SEMA6D: variants seen among roughly 807,000 people sequenced by gnomAD.
SEMA6D encodes the protein semaphorin-6D.
Under a neutral mutation model 106.6 loss-of-function variants are expected in SEMA6D, and 35 were observed. The ratio of observed to expected loss-of-function variants is 0.33; its 90% CI spans 0.25 to 0.44. The LOEUF is 0.44. Ranked by LOEUF, SEMA6D falls within the 20% of genes least tolerant of loss-of-function variation. SEMA6D has a pLI of 1.00. For synonymous variants in SEMA6D, 499 were observed against 487.7 expected, an observed-to-expected ratio of 1.02 and a Z score of -0.31; for missense variants, 1,185 against 1,345.9, an observed-to-expected ratio of 0.88 and a Z score of 1.87.
Position 47,583,890 on chromosome 15 carries a change from G to T in SEMA6D, c.-86-16975G>T, listed in dbSNP as rs1561041. Among the ~76,000 whole-genome samples, 932 of 152,224 alleles carry T rather than the reference G, an allele frequency of 6.1e-3. 9 individuals carry two copies. Among genetic ancestry groups the T allele is most frequent in the African/African-American group, 0.021 (883 of 41,520 alleles). On this transcript the variant is annotated intron_variant, in intron 3 of 19. Coordinates refer to the SEMA6D transcript ENST00000558014. ...GAGTCGGGTTCTTCTTCACAGCTTT[G>T]TCTGCATCCTGATCTACTTTAGACT...
At chr15:47,690,781 AC>A (rs2078569435) in intron 4 of SEMA6D, among the ~76,000 whole-genome samples, 1 of 142,418 alleles carries the variant, frequency 7.0e-6, no homozygotes, top group Non-Finnish European at 1.6e-5. Context: ...TTTTGTAGAA[AC>A]CGGGCTATTT....
chr15:47,759,980 A>G (rs757101007), intron 2 of SEMA6D, 73 bp downstream of exon 2: 22 of 1,141,056 alleles, frequency 1.9e-5, no homozygotes, highest in African/African-American at 3.1e-5. Flanking sequence ...AAGCATGTTC[A>G]TTTTCAGAAA....
chr15:47,768,614 T>C lies in SEMA6D; in HGVS notation c.1799T>C (p.Met600Thr), dbSNP rs2082470647. Reference sequence around the variant, plus strand: ...GTATCTTCATCTTCTGTTACCACAATGGCAAGTATCCCAGAAATCACACCT... The same window carrying C: ...GTATCTTCATCTTCTGTTACCACAACGGCAAGTATCCCAGAAATCACACCT... ...MEVSSSSVTT[M>T]ASIPEITPKV... The change falls in exon 18 of 19, where the codon ATG becomes ACG. Residue 600 changes from methionine (M) to threonine (T), a missense_variant. Transcript: ENST00000536845. The C allele has an allele frequency of 6.2e-7, 1 of 1,613,140 alleles. No homozygotes were observed. Among genetic ancestry groups the C allele is most frequent in the Non-Finnish European group, 8.5e-7 (1 of 1,179,348 alleles).
chr15:47,463,365 C>A (rs953541411), intron 2 of SEMA6D, among the ~76,000 whole-genome samples: 1 of 152,178 alleles, frequency 6.6e-6, no homozygotes, highest in Non-Finnish European at 1.5e-5. Context: ...CTGATCATCT[C>A]TGCCCATGAC....
intron 4 of SEMA6D, among the ~76,000 whole-genome samples, chr15:47,708,855 G>T (rs1333602922): frequency 6.6e-6 from 1 of 152,162 alleles, no homozygotes; most frequent in Non-Finnish European, 1.5e-5. Context: ...CTATGTAACT[G>T]GGTTATCTTT....
chr15:47,531,112 A>C (rs2044946103), intron 3 of SEMA6D, among the ~76,000 whole-genome samples: 1 of 152,232 alleles, frequency 6.6e-6, no homozygotes, highest in Non-Finnish European at 1.5e-5. Context: ...AACCAAAACA[A>C]AATCTAAGTG....
rs1460238671 is a variant in SEMA6D at position 47,344,922 on chromosome 15, G to A, written c.-238-67471G>A. On this transcript the variant is annotated intron_variant, in intron 1 of 19. Transcript: ENST00000558014. ...TTTGTATACTAGCAATGACTATTTG[G>A]AAATTGATATAAAAAGTTAAAGCCA... Among the ~76,000 whole-genome samples, 4 of 152,146 alleles carry A rather than the reference G, an allele frequency of 2.6e-5. No individual in the cohort carries two copies. In the East Asian group the frequency reaches 7.7e-4, roughly 29 times the overall value.
intron 1 of SEMA6D, among the ~76,000 whole-genome samples, chr15:47,258,047 T>A (rs1183784329): frequency 4.6e-5 from 7 of 152,236 alleles, no homozygotes; most frequent in Admixed American, 3.9e-4. Context: ...TGGATATTAA[T>A]ACAGCCACTT....
At chr15:47,225,899 G>T (rs2031627187) in intron 1 of SEMA6D, among the ~76,000 whole-genome samples, 2 of 152,012 alleles carry the variant, frequency 1.3e-5, no homozygotes, top group South Asian at 4.1e-4. Flanking sequence ...GTACTTTTCA[G>T]AATATACACA....
chr15:47,507,137 C>T (rs1433019068), intron 3 of SEMA6D, among the ~76,000 whole-genome samples: 1 of 152,154 alleles, frequency 6.6e-6, no homozygotes, highest in Non-Finnish European at 1.5e-5. Flanking sequence ...CAGCCTCTAC[C>T]CTGTCTTCCT....
Position 47,772,812 on chromosome 15 carries a change from CA to C in SEMA6D, c.*1029del, listed in dbSNP as rs201548247. ...TTGATTGTGTTCGTTTCCCCCCCCC[CA>C]ATAGTAAAATTTCTCCTCCTTTAAC... On this transcript the variant is annotated 3_prime_UTR_variant, in exon 19 of 19. Transcript: ENST00000536845. The C allele has an allele frequency of 7.6e-3, 897 of 117,710 alleles. 12 individuals carry two copies. The highest frequency in any genetic ancestry group is 0.02 in the African/African-American group (628 of 31,864). 7.3% of individuals were successfully genotyped at this position (117,710 alleles called of 1,614,324 possible). A position where few individuals can be genotyped will look rare whatever the true frequency, so the allele number is the denominator to read the frequency against.
At chr15:47,455,793 A>G (rs943072005) in intron 2 of SEMA6D, among the ~76,000 whole-genome samples, 1 of 151,988 alleles carries the variant, frequency 6.6e-6, no homozygotes, top group African/African-American at 2.4e-5. Flanking sequence ...ATGAAGATTA[A>G]GTTTCAGGAA....
chr15:47,594,652 T>C (rs1271018215), intron 3 of SEMA6D, among the ~76,000 whole-genome samples: 1 of 152,186 alleles, frequency 6.6e-6, no homozygotes, highest in Non-Finnish European at 1.5e-5. Context: ...AGTACCTGCT[T>C]CCAATAAGCT....
In SEMA6D at chr15:47,665,448, A is replaced by G. The variant is rs539748559; in HGVS notation, c.-55+64552A>G. 2.8e-4 allele frequency among the ~76,000 whole-genome samples: 43 copies of G among 152,280 alleles called. No homozygotes were observed. In the East Asian group the frequency reaches 7.5e-3, roughly 27 times the overall value. ...AAGCCAGAACAGCAACTAATCAAAT[A>G]ATAAGGTCATGGTTAGAGAAAGGGC... On this transcript the variant is annotated intron_variant, in intron 4 of 19. Coordinates refer to the SEMA6D transcript ENST00000558014.
chr15:47,708,040 T>G (rs1285312820), intron 4 of SEMA6D, among the ~76,000 whole-genome samples: 1 of 152,154 alleles, frequency 6.6e-6, no homozygotes, highest in Non-Finnish European at 1.5e-5. Context: ...CTACCTCCAT[T>G]AAAGTCATCT....
At chr15:47,404,784 A>G (rs1458721774) in intron 1 of SEMA6D, among the ~76,000 whole-genome samples, 2 of 152,196 alleles carry the variant, frequency 1.3e-5, no homozygotes, top group African/African-American at 4.8e-5. Context: ...CTTTCAATCA[A>G]CATGTATTTA....
chr15:47,570,662 C>T (rs774389539), intron 3 of SEMA6D, among the ~76,000 whole-genome samples: 4 of 152,186 alleles, frequency 2.6e-5, no homozygotes, highest in South Asian at 2.1e-4. Context: ...GGCGCAGCCT[C>T]GTCTGGTCAG....
intron 1 of SEMA6D, among the ~76,000 whole-genome samples, chr15:47,284,347 A>G (rs751969247): frequency 2.0e-5 from 3 of 152,248 alleles, no homozygotes; most frequent in Non-Finnish European, 4.4e-5. Flanking sequence ...ACACTGGGTT[A>G]CACTGAATCT....
intron 3 of SEMA6D, among the ~76,000 whole-genome samples, chr15:47,561,659 G>T (rs1046598452): frequency 1.3e-5 from 2 of 150,920 alleles, no homozygotes; most frequent in East Asian, 3.9e-4. Flanking sequence ...TTTTTTAAGG[G>T]TATTTTAAAT....
Sources: allele counts gnomAD v4.1 joint callset (sites outside exome capture counted in the v4.1 genomes callset), GRCh38; gene constraint gnomAD v4.1.1; transcripts MANE v1.5; gene names NCBI Gene and HGNC (gene_info 2026-07-23, HGNC 2026-07-21).